Variants in RSRC1 observed in about 807,000 individuals in gnomAD.
The protein encoded by RSRC1 is arginine and serine rich coiled-coil 1.
In RSRC1, 39 loss-of-function variants were observed where a neutral mutation model predicts 49.1. The ratio of observed to expected loss-of-function variants is 0.79; its 90% CI spans 0.61 to 1.04. RSRC1 has a LOEUF of 1.04. Ranked by LOEUF, RSRC1 falls within the 50% of genes least tolerant of loss-of-function variation. The pLI is 0.00. For missense variants in RSRC1, 388 were observed against 402.4 expected, an observed-to-expected ratio of 0.96 and a Z score of 0.31; for synonymous variants, 143 against 130.8, an observed-to-expected ratio of 1.09 and a Z score of -0.63.
At chr3:158,192,959 T>G (rs1360545673) in intron 3 of RSRC1, among the ~76,000 whole-genome samples, 1 of 152,098 alleles carries the variant, frequency 6.6e-6, no homozygotes, top group African/African-American at 2.4e-5. Context: ...GCTTTTTCAT[T>G]AGCTATGGTA....
At chr3:158,170,744 G>A (rs1718834636) in intron 3 of RSRC1, among the ~76,000 whole-genome samples, 1 of 152,174 alleles carries the variant, frequency 6.6e-6, no homozygotes, top group Non-Finnish European at 1.5e-5. Flanking sequence ...GGGGAAAGGA[G>A]ATCCTGTAAG....
chr3:158,372,051 G>A (rs1215859705), intron 6 of RSRC1, among the ~76,000 whole-genome samples: 1 of 138,026 alleles, frequency 7.2e-6, no homozygotes, highest in African/African-American at 2.5e-5. Flanking sequence ...AGTTTTAAGA[G>A]TTTGTATATT....
intron 6 of RSRC1, among the ~76,000 whole-genome samples, chr3:158,437,286 A>AT (rs1736098698): frequency 1.3e-5 from 2 of 152,186 alleles, no homozygotes; most frequent in Non-Finnish European, 2.9e-5. Flanking sequence ...TCTCACAAGT[A>AT]TTTTATTTCC....
At chr3:158,196,693 G>A (rs886278979) in intron 3 of RSRC1, among the ~76,000 whole-genome samples, 2 of 152,144 alleles carry the variant, frequency 1.3e-5, no homozygotes, top group African/African-American at 4.8e-5. Flanking sequence ...CTAATTTATT[G>A]AGAGTTTCTA....
At chr3:158,326,503 T>A (rs557548321) in intron 5 of RSRC1, among the ~76,000 whole-genome samples, 51 of 152,318 alleles carry the variant, frequency 3.3e-4, no homozygotes, top group African/African-American at 1.1e-3. Flanking sequence ...GGTTTTTGTC[T>A]TTGGTTCTGT....
chr3:158,403,363 T>TA (rs1733990327), intron 6 of RSRC1, among the ~76,000 whole-genome samples: 1 of 151,836 alleles, frequency 6.6e-6, no homozygotes, highest in African/African-American at 2.4e-5. Context: ...CTTTCTTTTT[T>TA]AGAGACACTG....
intron 6 of RSRC1, among the ~76,000 whole-genome samples, chr3:158,408,506 A>T (rs1231978512): frequency 6.6e-6 from 1 of 152,234 alleles, no homozygotes; most frequent in Non-Finnish European, 1.5e-5. Flanking sequence ...CTAAGGAATA[A>T]GGAAAGGCAA....
intron 7 of RSRC1, among the ~76,000 whole-genome samples, chr3:158,476,069 G>A (rs1394946798): frequency 6.6e-6 from 1 of 152,176 alleles, no homozygotes; most frequent in Non-Finnish European, 1.5e-5. Flanking sequence ...GAAAGTTGGA[G>A]TGGATAGAAG....
chr3:158,141,721 C>A (rs979078232), intron 3 of RSRC1, among the ~76,000 whole-genome samples: 14 of 152,112 alleles, frequency 9.2e-5, no homozygotes, highest in African/African-American at 2.4e-5. Flanking sequence ...CCCCGCATTT[C>A]ATTTTAGGGA....
intron 3 of RSRC1, among the ~76,000 whole-genome samples, chr3:158,189,593 G>A (rs1720116300): frequency 6.6e-6 from 1 of 151,874 alleles, no homozygotes; most frequent in Non-Finnish European, 1.5e-5. Context: ...GTTAGTGCAT[G>A]CATGATCTTT....
chr3:158,265,194 T>C (rs954366911), intron 4 of RSRC1, among the ~76,000 whole-genome samples: 1 of 152,260 alleles, frequency 6.6e-6, no homozygotes, highest in Non-Finnish European at 1.5e-5. Context: ...CTATTTTTTG[T>C]TGCCTAATTT....
At chr3:158,489,475 A>G (rs1738976433) in intron 7 of RSRC1, among the ~76,000 whole-genome samples, 1 of 152,122 alleles carries the variant, frequency 6.6e-6, no homozygotes, top group Non-Finnish European at 1.5e-5. Flanking sequence ...TAATCTTTTT[A>G]TTGACATTTT....
At chr3:158,122,457 TC>T (rs1196602614) in intron 2 of RSRC1, among the ~76,000 whole-genome samples, 159 bp downstream of exon 2, 1 of 152,134 alleles carries the variant, frequency 6.6e-6, no homozygotes, top group Non-Finnish European at 1.5e-5. Flanking sequence ...CCAGGTCCAG[TC>T]CGTGGGTCTA....
intron 6 of RSRC1, among the ~76,000 whole-genome samples, chr3:158,457,561 A>G (rs543655867): frequency 3.9e-5 from 6 of 152,296 alleles, no homozygotes; most frequent in African/African-American, 1.4e-4. Context: ...CATATGTGTT[A>G]CAATTTAGAC....
At chr3:158,469,945 C>A (rs1003856415) in intron 7 of RSRC1, among the ~76,000 whole-genome samples, 10 of 152,014 alleles carry the variant, frequency 6.6e-5, no homozygotes, top group African/African-American at 2.4e-4. Context: ...TTCACTATAA[C>A]AAATTATTAG....
intron 4 of RSRC1, among the ~76,000 whole-genome samples, chr3:158,279,418 A>C (rs1345642575): frequency 6.6e-6 from 1 of 152,258 alleles, no homozygotes; most frequent in Non-Finnish European, 1.5e-5. Context: ...CCAGACATTT[A>C]AGAATGTAAA....
intron 7 of RSRC1, among the ~76,000 whole-genome samples, chr3:158,499,586 G>C (rs1163020983): frequency 6.6e-6 from 1 of 152,006 alleles, no homozygotes; most frequent in African/African-American, 2.4e-5. Flanking sequence ...TCCTTGTAGA[G>C]GTCTTTCAGC....
chr3:158,118,455 G>GTT (rs1363914579), intron 1 of RSRC1, among the ~76,000 whole-genome samples: 1 of 139,960 alleles, frequency 7.1e-6, no homozygotes, highest in East Asian at 2.1e-4. Context: ...GTGTGTGTGT[G>GTT]TGTGTGTGCG....
chr3:158,196,896 G>A lies in RSRC1; in HGVS notation c.321-6176G>A, dbSNP rs189369066. Among the ~76,000 whole-genome samples, 1,089 of 152,106 alleles carry A rather than the reference G, an allele frequency of 7.2e-3. 10 individuals carry two copies. The highest frequency in any genetic ancestry group is 8.1e-3 in the Non-Finnish European group (550 of 67,998). Reference sequence around the variant, plus strand: ...AGCTTTTTGATGCACTGCTGGATTCGGTTTGCCAGTATTTTATTGAGGATT... The same window carrying A: ...AGCTTTTTGATGCACTGCTGGATTCAGTTTGCCAGTATTTTATTGAGGATT... On this transcript the variant is annotated intron_variant, in intron 3 of 9. Coordinates refer to ENST00000611884, the MANE Select transcript of RSRC1 (RefSeq NM_001271838.2).
Sources: gnomAD v4.1 joint callset for allele counts (sites outside exome capture counted in the v4.1 genomes callset) on GRCh38, gnomAD v4.1.1 for gene constraint, MANE v1.5 for transcripts, NCBI Gene and HGNC (gene_info 2026-07-23, HGNC 2026-07-21) for gene names.